Variants in SAFB observed in about 807,000 individuals in gnomAD.
SAFB encodes scaffold attachment factor B1.
SAFB carries 15 observed loss-of-function variants against 101.6 expected under a neutral mutation model. That is an observed-to-expected ratio of 0.15 (90% CI 0.10 to 0.23). The LOEUF (loss-of-function observed/expected upper bound fraction) is 0.23, where lower values mean the gene tolerates loss of function less well. SAFB is among the 10% of genes least tolerant of loss of function. The probability of loss-of-function intolerance (pLI) is 1.00; values close to 1 mark genes in which losing one functional copy is unlikely to be tolerated. For missense variants in SAFB, 930 were observed against 1,104.1 expected, an observed-to-expected ratio of 0.84 and a Z score of 2.23; for synonymous variants, 449 against 407.5, an observed-to-expected ratio of 1.10 and a Z score of -1.23.
intron 15 of SAFB, 79 bp downstream of exon 15, chr19:5,661,887 T>A: frequency 2.3e-6 from 1 of 426,382 alleles, no homozygotes; most frequent in Non-Finnish European, 3.3e-6. Flanking sequence ...AGCTTGAGAT[T>A]TTTTTTTTTT....
At chr19:5,624,477 C>A (rs930230323) in intron 1 of SAFB, among the ~76,000 whole-genome samples, 1 of 152,030 alleles carries the variant, frequency 6.6e-6, no homozygotes, top group African/African-American at 2.4e-5. Flanking sequence ...AAAGGTTAGC[C>A]ACCTGCGGTT....
intron 17 of SAFB, chr19:5,666,203 A>G (rs2054324334): frequency 6.6e-6 from 1 of 152,244 alleles, no homozygotes. Context: ...CTACCTCACT[A>G]GCTTTTGTGA....
At position 5,623,193 on chromosome 19, in the gene SAFB, C is replaced by G. The variant is rs778880767; in HGVS notation, c.-13C>G. On this transcript the variant is annotated 5_prime_UTR_variant, in exon 1 of 21. Transcript: ENST00000588852. ...TTCTGTGGAAAGTGGGCGGCGGAGC[C>G]AGGGTCCCTGGAATGGCGGAGACTC... 6.4e-7 allele frequency: 1 copy of G among 1,571,326 alleles called. No individual in the cohort carries two copies. The highest frequency in any genetic ancestry group is 8.6e-7 in the Non-Finnish European group (1 of 1,159,256).
intron 14 of SAFB, 143 bp from the exon 15 acceptor site, chr19:5,661,375 T>A (rs1298214488): frequency 2.1e-5 from 30 of 1,443,540 alleles, no homozygotes; most frequent in Non-Finnish European, 2.7e-5. Context: ...GAAGCCTTCT[T>A]CCCGCTGGAG....
chr19:5,652,439 G>C (rs950997427), intron 9 of SAFB, among the ~76,000 whole-genome samples: 5 of 152,140 alleles, frequency 3.3e-5, no homozygotes, highest in Non-Finnish European at 7.3e-5. Flanking sequence ...AGAGGACCGG[G>C]CCTCTCTGAG....
At chr19:5,637,614 C>G (rs889199268) in intron 2 of SAFB, among the ~76,000 whole-genome samples, 1 of 152,056 alleles carries the variant, frequency 6.6e-6, no homozygotes, top group East Asian at 1.9e-4. Context: ...CTGCAGTGAG[C>G]CAAGACATGC....
chr19:5,635,970 T>C (rs1215633646), intron 2 of SAFB, among the ~76,000 whole-genome samples: 1 of 152,136 alleles, frequency 6.6e-6, no homozygotes, highest in African/African-American at 2.4e-5. Flanking sequence ...GAGAATACTG[T>C]CTTTCCTCAA....
chr19:5,626,359 T>A, intron 1 of SAFB, 46 bp from the exon 2 acceptor site: 1 of 1,093,402 alleles, frequency 9.1e-7, no homozygotes, highest in South Asian at 1.2e-5. Flanking sequence ...GAAAGCAGTG[T>A]GTGAGCTGAC....
chr19:5,664,336 T>C (rs994504082), intron 16 of SAFB, 61 bp from the exon 17 acceptor site: 2 of 1,511,676 alleles, frequency 1.3e-6, no homozygotes, highest in African/African-American at 2.7e-5. Flanking sequence ...GGCCTGATGG[T>C]CCTCTCTTTG....
chr19:5,650,121 C>A, intron 8 of SAFB, 146 bp downstream of exon 8: 1 of 656,688 alleles, frequency 1.5e-6, no homozygotes, highest in Admixed American at 2.5e-5. Context: ...TCTGCTGTTA[C>A]CGCTACAGGT....
intron 6 of SAFB, chr19:5,648,275 G>A (rs1022804275): frequency 1.1e-5 from 6 of 533,156 alleles, no homozygotes; most frequent in African/African-American, 9.8e-5. Flanking sequence ...TGAGATGAAA[G>A]TATCTCATGC....
At position 5,667,198 on chromosome 19, in the gene SAFB, C is replaced by G. The variant is rs199860633; in HGVS notation, c.2453+34C>G. The G allele has an allele frequency of 3.0e-6, 4 of 1,321,524 alleles. 1 individual carries two copies. Among genetic ancestry groups the G allele is most frequent in the Admixed American group, 2.2e-5 (1 of 44,836 alleles). The allele number at this position is 1,321,524 out of a possible 1,614,324, so 81.9% of individuals were successfully genotyped here. A position where few individuals can be genotyped will look rare whatever the true frequency, so the allele number is the denominator to read the frequency against. ...CCCACACCCGACAGTACCTGACCCCCCCCCCGCCCACAAGGGGGCCCGCAA... is the reference window on the plus strand; with the variant it reads ...CCCACACCCGACAGTACCTGACCCCGCCCCCGCCCACAAGGGGGCCCGCAA... On this transcript the variant is annotated intron_variant, in intron 18 of 20. Transcript: ENST00000588852. The surrounding 1 kb of genome is among the most constrained non-coding windows in gnomAD (Gnocchi z 4.0).
chr19:5,629,422 G>A (rs1011210069), intron 2 of SAFB, among the ~76,000 whole-genome samples: 15 of 151,702 alleles, frequency 9.9e-5, no homozygotes, highest in Admixed American at 3.3e-4. Context: ...AGAGTGAGAG[G>A]GGGAAAAAAG....
At chr19:5,624,689 T>G (rs1005348179) in intron 1 of SAFB, among the ~76,000 whole-genome samples, 1 of 134,040 alleles carries the variant, frequency 7.5e-6, no homozygotes, top group Non-Finnish European at 1.6e-5. Flanking sequence ...AAGTAGGGAT[T>G]TTTTTTTTTT....
intron 2 of SAFB, among the ~76,000 whole-genome samples, chr19:5,630,939 C>G (rs1157206729): frequency 2.6e-4 from 40 of 152,172 alleles, no homozygotes; most frequent in Non-Finnish European, 1.0e-4. Flanking sequence ...TGCCTGTAAT[C>G]CCAGCACTTT....
In SAFB at chr19:5,667,074, A is replaced by C; in HGVS notation, c.2363A>C (p.Glu788Ala). ...QHYPERHGGP[E>A]RHGRDSRDGW... ...TACCCAGAACGCCATGGAGGACCAG[A>C]GCGCCACGGCCGGGACTCCCGCGAT... is the stretch of plus-strand genomic sequence containing the variant. The change falls in exon 18 of 21, where the codon GAG becomes GCG. Residue 788 changes from glutamate (E) to alanine (A), a missense_variant. By Grantham distance (107) the Glu-to-Ala change is moderately radical. Around this residue, in one of 7 missense-constraint regions of SAFB, gnomAD observed 318 missense variants for 342.6 expected, o/e 0.93. Transcript: ENST00000588852. This position sits in a 1 kb window ranked among gnomAD's most constrained non-coding sequence, Gnocchi z 4.0. 2 of 1,611,418 alleles carry C rather than the reference A, an allele frequency of 1.2e-6. No individual in the cohort carries two copies. Among genetic ancestry groups the C allele is most frequent in the South Asian group, 1.1e-5 (1 of 91,024 alleles).
intron 2 of SAFB, among the ~76,000 whole-genome samples, chr19:5,640,816 C>A (rs541556162): frequency 6.6e-6 from 1 of 152,154 alleles, no homozygotes; most frequent in Non-Finnish European, 1.5e-5. Flanking sequence ...GTGTCAAACT[C>A]CTGACCTCAA....
intron 4 of SAFB, among the ~76,000 whole-genome samples, chr19:5,643,569 C>T (rs1466448719): frequency 6.6e-6 from 1 of 152,158 alleles, no homozygotes; most frequent in African/African-American, 2.4e-5. Flanking sequence ...GCAGGAGTTA[C>T]TTACCCTTCC....
chr19:5,654,593 A>T (rs1052934774), intron 13 of SAFB, 137 bp downstream of exon 13: 1 of 669,584 alleles, frequency 1.5e-6, no homozygotes, highest in Non-Finnish European at 2.7e-6. Context: ...ATCTCAAACT[A>T]TTTTTTTTGA....
Sources: gnomAD v4.1 joint callset for allele counts (sites outside exome capture counted in the v4.1 genomes callset) on GRCh38, gnomAD v4.1.1 for gene constraint, gnomAD v4.1.1 regional missense constraint, Gnocchi (gnomAD v3.1) non-coding constraint, MANE v1.5 for transcripts, NCBI Gene and HGNC (gene_info 2026-07-23, HGNC 2026-07-21) for gene names.